Variants in RTN4RL1 observed in about 807,000 individuals in gnomAD.
RTN4RL1 encodes reticulon-4 receptor-like 1.
A neutral mutation model predicts 25.6 loss-of-function variants in RTN4RL1; 7 were observed. That is an observed-to-expected ratio of 0.27 (90% CI 0.16 to 0.51). The LOEUF is 0.51. Ranked by LOEUF, RTN4RL1 falls within the 20% of genes least tolerant of loss-of-function variation. The pLI is 0.97. For missense variants in RTN4RL1, 500 were observed against 615.6 expected, an observed-to-expected ratio of 0.81 and a Z score of 1.99; for synonymous variants, 297 against 288.2, an observed-to-expected ratio of 1.03 and a Z score of -0.31.
intron 1 of RTN4RL1, among the ~76,000 whole-genome samples, chr17:1,938,106 G>A (rs896281114): frequency 2.0e-5 from 3 of 152,112 alleles, no homozygotes; most frequent in African/African-American, 7.2e-5. Context: ...AGCCCCACCT[G>A]CTCCAGCTCT....
chr17:1,960,239 C>T (rs527827622), intron 1 of RTN4RL1, among the ~76,000 whole-genome samples: 22 of 150,736 alleles, frequency 1.5e-4, no homozygotes, highest in Non-Finnish European at 2.2e-4. Flanking sequence ...GGACCTCTGC[C>T]GTGGCCACCC....
At chr17:1,963,092 A>C (rs2066773435) in intron 1 of RTN4RL1, among the ~76,000 whole-genome samples, 1 of 152,024 alleles carries the variant, frequency 6.6e-6, no homozygotes, top group African/African-American at 2.4e-5. Context: ...CATGAGCCAC[A>C]GCACCTGGCT....
At chr17:2,008,161 C>T (rs1249422962) in intron 1 of RTN4RL1, among the ~76,000 whole-genome samples, 10 of 150,752 alleles carry the variant, frequency 6.6e-5, no homozygotes, top group African/African-American at 9.8e-5. Context: ...TCCAGCTACT[C>T]GGGAGGCTGA....
intron 1 of RTN4RL1, among the ~76,000 whole-genome samples, chr17:1,967,257 A>G (rs1189243973): frequency 1.1e-5 from 1 of 93,216 alleles, no homozygotes; most frequent in Non-Finnish European, 2.7e-5. Context: ...CGACAAAACA[A>G]ACAAAACAAA....
chr17:1,993,056 A>T (rs187203619), intron 1 of RTN4RL1, among the ~76,000 whole-genome samples: 1 of 152,224 alleles, frequency 6.6e-6, no homozygotes, highest in African/African-American at 2.4e-5. Context: ...CAGCCTGGAC[A>T]ACATAGTGAA....
chr17:2,014,332 C>T lies in RTN4RL1; in HGVS notation c.13+10521G>A, dbSNP rs547735126. On this transcript the variant is annotated intron_variant, in intron 1 of 1. Transcript: ENST00000331238. ...ACAGATCACATAAAAGTATTATCAT[C>T]GCAACAAGGAAGGCTGAGTACCATG... 8.5e-4 allele frequency among the ~76,000 whole-genome samples: 130 copies of T among 152,228 alleles called. 1 individual carries two copies. Among genetic ancestry groups the T allele is most frequent in the African/African-American group, 3.0e-3 (125 of 41,544 alleles).
chr17:1,992,492 C>T (rs1001540510), intron 1 of RTN4RL1, among the ~76,000 whole-genome samples: 2 of 152,144 alleles, frequency 1.3e-5, no homozygotes, highest in Non-Finnish European at 2.9e-5. Context: ...GGGCTAAGAG[C>T]ATGTAGAGGG....
intron 1 of RTN4RL1, among the ~76,000 whole-genome samples, chr17:1,986,033 C>T (rs763758852): frequency 2.3e-4 from 35 of 152,078 alleles, no homozygotes; most frequent in African/African-American, 8.0e-4. Flanking sequence ...ATAACCTTGA[C>T]AGCTCTGTCT....
chr17:1,942,031 C>G (rs1043683871), intron 1 of RTN4RL1, among the ~76,000 whole-genome samples: 3 of 152,176 alleles, frequency 2.0e-5, no homozygotes, highest in African/African-American at 7.2e-5. Flanking sequence ...GGATCAGACT[C>G]TCTCCGGAGG....
rs141843187 is a variant in RTN4RL1 at position 2,010,729 on chromosome 17, AAAACAAACAAACAAAC to A, written c.13+14108_13+14123del. Among the ~76,000 whole-genome samples, 55 of 150,838 alleles carry A rather than the reference AAAACAAACAAACAAAC, an allele frequency of 3.6e-4. 1 individual carries two copies. The highest frequency in any genetic ancestry group is 1.2e-3 in the African/African-American group (51 of 41,106). On this transcript the variant is annotated intron_variant, in intron 1 of 1. Transcript: ENST00000331238. ...CACACCATCATGCCTGGCTAATTAA[AAAACAAACAAACAAAC>A]AAACAAACAAACAAAGCACTTTGTA...
At position 1,961,227 on chromosome 17, in the gene RTN4RL1, G is replaced by A. The variant is rs144954965; in HGVS notation, c.14-23419C>T. On this transcript the variant is annotated intron_variant, in intron 1 of 1. Coordinates refer to ENST00000331238, the MANE Select transcript of RTN4RL1 (RefSeq NM_178568.4). ...AAGGAAGGAAGAAAGCGGTGCTGCT[G>A]GGGAGGGGAGGAGTAACCAGGAAAA... 9.3e-3 allele frequency among the ~76,000 whole-genome samples: 1,416 copies of A among 152,292 alleles called. 26 individuals are homozygous for A. The highest frequency in any genetic ancestry group is 0.032 in the African/African-American group (1,350 of 41,570).
At chr17:1,982,313 G>T (rs1315034394) in intron 1 of RTN4RL1, among the ~76,000 whole-genome samples, 3 of 149,428 alleles carry the variant, frequency 2.0e-5, no homozygotes, top group Admixed American at 6.7e-5. Flanking sequence ...AAAGAAAAGA[G>T]AAGAGAAGAG....
intron 1 of RTN4RL1, among the ~76,000 whole-genome samples, chr17:1,957,369 C>T (rs2151308941): frequency 6.6e-6 from 1 of 152,298 alleles, no homozygotes; most frequent in South Asian, 2.1e-4. Flanking sequence ...CCGTGAGCCT[C>T]ATATGAAGAG....
chr17:2,021,587 CA>C (rs1821853612), intron 1 of RTN4RL1, among the ~76,000 whole-genome samples: 1 of 139,452 alleles, frequency 7.2e-6, no homozygotes, highest in Non-Finnish European at 1.5e-5. Flanking sequence ...CAGAGTCTCG[CA>C]TCTTCTCCTG....
chr17:1,980,098 C>A lies in RTN4RL1; in HGVS notation c.14-42290G>T, dbSNP rs558429391. Among the ~76,000 whole-genome samples, 496 of 149,778 alleles carry A rather than the reference C, an allele frequency of 3.3e-3. 2 individuals carry two copies. The highest frequency in any genetic ancestry group is 0.012 in the African/African-American group (467 of 39,258). On this transcript the variant is annotated intron_variant, in intron 1 of 1. Transcript: ENST00000331238. ...TTTTTGTTTGAGACAGGGCCTCACT[C>A]CGTCGCCCAGCCTGGAGTGCAGTGC...
chr17:1,954,530 G>A (rs1331123746), intron 1 of RTN4RL1, among the ~76,000 whole-genome samples: 1 of 152,016 alleles, frequency 6.6e-6, no homozygotes, highest in Non-Finnish European at 1.5e-5. Flanking sequence ...TGGGATTACA[G>A]GTGCTCACCA....
At chr17:1,983,092 C>T (rs1449922443) in intron 1 of RTN4RL1, among the ~76,000 whole-genome samples, 1 of 151,738 alleles carries the variant, frequency 6.6e-6, no homozygotes, top group Admixed American at 6.6e-5. Flanking sequence ...GCCCTGTCAC[C>T]CAGGCTGGAG....
chr17:1,983,515 C>A (rs1292259120), intron 1 of RTN4RL1, among the ~76,000 whole-genome samples: 2 of 152,224 alleles, frequency 1.3e-5, no homozygotes, highest in Admixed American at 6.5e-5. Context: ...CCTCCCACCT[C>A]AGCCACCCGA....
chr17:2,019,421 A>G (rs1312339756), intron 1 of RTN4RL1: 1 of 152,196 alleles, frequency 6.6e-6, no homozygotes, highest in African/African-American at 2.4e-5. Context: ...CCTCCTTCTC[A>G]TCTCCAGCAA....
Sources: allele counts gnomAD v4.1 joint callset (sites outside exome capture counted in the v4.1 genomes callset), GRCh38; gene constraint gnomAD v4.1.1; transcripts MANE v1.5; gene names NCBI Gene and HGNC (gene_info 2026-07-23, HGNC 2026-07-21).